The following HOMER1 variants were observed in gnomAD, a reference collection of about 807,000 sequenced individuals.
HOMER1 encodes homer protein homolog 1.
HOMER1 carries 3 observed loss-of-function variants against 48.9 expected under a neutral mutation model. The observed-to-expected ratio is 0.06, with a 90% confidence interval of 0.03 to 0.16. The LOEUF (loss-of-function observed/expected upper bound fraction) is 0.16, where lower values mean the gene tolerates loss of function less well. Among genes scored for constraint, HOMER1 ranks in the 10% least tolerant of loss-of-function variants. The pLI, the probability that HOMER1 is intolerant of heterozygous loss-of-function variation, is 1.00. For synonymous variants in HOMER1, 134 were observed against 146.4 expected (o/e 0.92, Z 0.61); for missense variants, 247 against 411.4 (o/e 0.60, Z 3.46).
intron 8 of HOMER1, among the ~76,000 whole-genome samples, chr5:79,378,222 C>CAAAAAAAAAAAAAAAAAAAAAAAA (rs58802660): frequency 2.2e-4 from 19 of 85,576 alleles, no homozygotes; most frequent in African/African-American, 6.2e-4. Context: ...GACTCTGTCT[C>CAAAAAAAAAAAAAAAAAAAAAAAA]AAAAAAAAAA....
intron 8 of HOMER1, among the ~76,000 whole-genome samples, chr5:79,380,749 C>A (rs1273924150): frequency 6.6e-6 from 1 of 152,066 alleles, no homozygotes; most frequent in Admixed American, 6.5e-5. Flanking sequence ...ATTGCCCAGC[C>A]CAGTCCACCA....
intron 8 of HOMER1, among the ~76,000 whole-genome samples, chr5:79,389,781 CA>C (rs1432741211): frequency 6.6e-6 from 1 of 151,934 alleles, no homozygotes; most frequent in Non-Finnish European, 1.5e-5. Flanking sequence ...TACAGCAGCA[CA>C]AAAGGACTAA....
chr5:79,487,108 G>A (rs975056650), intron 1 of HOMER1, among the ~76,000 whole-genome samples: 6 of 152,018 alleles, frequency 3.9e-5, no homozygotes, highest in Admixed American at 6.5e-5. Flanking sequence ...ACGAAACCCC[G>A]TCTCTACTAA....
intron 1 of HOMER1, among the ~76,000 whole-genome samples, chr5:79,475,428 C>CTTTTTTT (rs370912747): frequency 7.9e-6 from 1 of 127,104 alleles, no homozygotes; most frequent in Non-Finnish European, 1.6e-5. Context: ...AATTCTTAGA[C>CTTTTTTT]TTTTTTTTTT....
chr5:79,390,190 T>C (rs1483190606), intron 8 of HOMER1, among the ~76,000 whole-genome samples: 1 of 151,700 alleles, frequency 6.6e-6, no homozygotes, highest in East Asian at 1.9e-4. Context: ...GGAGGCTGAG[T>C]AGGGAGAAAT....
intron 1 of HOMER1, among the ~76,000 whole-genome samples, chr5:79,485,332 GT>G (rs1470091782): frequency 6.6e-6 from 1 of 152,134 alleles, no homozygotes; most frequent in African/African-American, 2.4e-5. Context: ...GGGAGGGTAA[GT>G]AGAAATTCAG....
At chr5:79,431,419 T>C (rs2112264077) in intron 5 of HOMER1, among the ~76,000 whole-genome samples, 1 of 152,216 alleles carries the variant, frequency 6.6e-6, no homozygotes, top group Admixed American at 6.5e-5. Context: ...GGCAAATCTA[T>C]AAAGACAGAA....
chr5:79,415,480 A>G (rs572835668), intron 5 of HOMER1, among the ~76,000 whole-genome samples: 1 of 152,232 alleles, frequency 6.6e-6, no homozygotes, highest in Non-Finnish European at 1.5e-5. Context: ...CATATGATGA[A>G]GTTATAAGAA....
chr5:79,408,574 T>C lies in HOMER1; in HGVS notation c.528-6519A>G, dbSNP rs140938613. On this transcript the variant is annotated intron_variant, in intron 5 of 8. Coordinates refer to ENST00000334082, the MANE Select transcript of HOMER1 (RefSeq NM_004272.5). Reference sequence around the variant, plus strand: ...ACAATTGGATAACCACATACAAACATAAATAAATCTCAACCCATATCTCAT... The same window carrying C: ...ACAATTGGATAACCACATACAAACACAAATAAATCTCAACCCATATCTCAT... Among the ~76,000 whole-genome samples the C allele has an allele frequency of 1.8e-3, 269 of 152,208 alleles. 1 individual carries two copies. Among genetic ancestry groups the C allele is most frequent in the African/African-American group, 6.4e-3 (264 of 41,546 alleles).
chr5:79,380,235 T>C (rs1452976434), intron 8 of HOMER1, among the ~76,000 whole-genome samples: 1 of 152,132 alleles, frequency 6.6e-6, no homozygotes, highest in Non-Finnish European at 1.5e-5. Context: ...CACTGGAAAC[T>C]AACACTGCTG....
chr5:79,507,978 C>G (rs1752824772), intron 1 of HOMER1, among the ~76,000 whole-genome samples: 1 of 152,210 alleles, frequency 6.6e-6, no homozygotes, highest in Non-Finnish European at 1.5e-5. Context: ...ACACATCTCT[C>G]AGTCACCATC....
intron 6 of HOMER1, among the ~76,000 whole-genome samples, chr5:79,400,749 T>A (rs1162079446): frequency 6.8e-6 from 1 of 147,418 alleles, no homozygotes; most frequent in Non-Finnish European, 1.5e-5. Context: ...CTTCTTTTTT[T>A]TTTTTGTTTT....
chr5:79,504,562 T>G (rs1752695293), intron 1 of HOMER1, among the ~76,000 whole-genome samples: 1 of 152,160 alleles, frequency 6.6e-6, no homozygotes, highest in African/African-American at 2.4e-5. Context: ...AATATGAGTA[T>G]TTTGAGGTCT....
intron 5 of HOMER1, among the ~76,000 whole-genome samples, chr5:79,432,929 C>G (rs1375469493): frequency 6.6e-6 from 1 of 152,084 alleles, no homozygotes; most frequent in African/African-American, 2.4e-5. Context: ...AAAACTTAAT[C>G]TAGTTTTTGA....
rs35036295 is a variant in HOMER1, at chr5:79,446,804, AT to A, written c.387+248del. On this transcript the variant is annotated intron_variant, in intron 4 of 8. Transcript: ENST00000334082. ...AGGCTTGCACCACCACACTTGGCTA[AT>A]TTTTTTTTTTTTTTTTTTTTTTTTA... is the stretch of plus-strand genomic sequence containing the variant. Among the ~76,000 whole-genome samples, 866 of 101,702 alleles carry A rather than the reference AT, an allele frequency of 8.5e-3. 11 individuals are homozygous for A. Among genetic ancestry groups the A allele is most frequent in the African/African-American group, 0.026 (651 of 25,086 alleles). The allele number at this position is 101,702 out of a possible 152,430, so 66.7% of individuals were successfully genotyped here. A position where few individuals can be genotyped will look rare whatever the true frequency, so the allele number is the denominator to read the frequency against.
At chr5:79,436,478 C>G (rs1380491395) in intron 5 of HOMER1, among the ~76,000 whole-genome samples, 2 of 152,214 alleles carry the variant, frequency 1.3e-5, no homozygotes, top group African/African-American at 4.8e-5. Flanking sequence ...CGCAACTCAC[C>G]TAACCTCTGG....
chr5:79,506,399 C>T (rs1178618169), intron 1 of HOMER1, among the ~76,000 whole-genome samples: 2 of 151,910 alleles, frequency 1.3e-5, no homozygotes, highest in Non-Finnish European at 2.9e-5. Context: ...ACAGAAATGA[C>T]AAATGTGTTA....
intron 8 of HOMER1, among the ~76,000 whole-genome samples, chr5:79,381,861 G>C (rs1351089043): frequency 2.0e-5 from 3 of 150,758 alleles, no homozygotes; most frequent in African/African-American, 7.3e-5. Context: ...CTCCAGCCTG[G>C]GCCACAAAGC....
chr5:79,384,108 CAA>C (rs61146751), intron 8 of HOMER1, among the ~76,000 whole-genome samples: 2 of 86,440 alleles, frequency 2.3e-5, no homozygotes, highest in Non-Finnish European at 2.6e-5. Context: ...ACTAGAAAAG[CAA>C]AAAAAAAAAA....
Sources: gnomAD v4.1 joint callset for allele counts (sites outside exome capture counted in the v4.1 genomes callset) on GRCh38, gnomAD v4.1.1 for gene constraint, MANE v1.5 for transcripts, NCBI Gene and HGNC (gene_info 2026-07-23, HGNC 2026-07-21) for gene names.